Variants in CATSPER4 observed in about 807,000 individuals in gnomAD.
CATSPER4 encodes cation channel sperm-associated protein 4.
A neutral mutation model predicts 54.4 loss-of-function variants in CATSPER4; 46 were observed. The ratio of observed to expected loss-of-function variants is 0.84; its 90% CI spans 0.67 to 1.08. The LOEUF (loss-of-function observed/expected upper bound fraction) is 1.08, where lower values mean the gene tolerates loss of function less well. Among genes scored for constraint, CATSPER4 ranks in the 50% least tolerant of loss-of-function variants. The pLI, the probability that CATSPER4 is intolerant of heterozygous loss-of-function variation, is 0.00. For synonymous variants in CATSPER4, 230 were observed against 231.9 expected, an observed-to-expected ratio of 0.99 and a Z score of 0.08; for missense variants, 574 against 612.8, an observed-to-expected ratio of 0.94 and a Z score of 0.67.
intron 3 of CATSPER4, among the ~76,000 whole-genome samples, chr1:26,196,920 T>TC (rs1431014264): frequency 2.1e-5 from 1 of 48,252 alleles, no homozygotes; most frequent in Admixed American, 1.5e-4. Context: ...TTTCTTTTTT[T>TC]TTTTTTTTTG....
chr1:26,196,523 T>C (rs2088941329), intron 3 of CATSPER4, among the ~76,000 whole-genome samples: 1 of 145,510 alleles, frequency 6.9e-6, no homozygotes, highest in South Asian at 2.3e-4. Flanking sequence ...AGTGATCCTC[T>C]CAGCCCTCCA....
At position 26,198,003 on chromosome 1, in the gene CATSPER4, C is replaced by G. The variant is rs534133361; in HGVS notation, c.604C>G (p.Arg202Gly). 2 of 1,613,948 alleles carry G rather than the reference C, an allele frequency of 1.2e-6. No homozygotes were observed. Among genetic ancestry groups the G allele is most frequent in the Non-Finnish European group, 1.7e-6 (2 of 1,179,982 alleles). Residue 202 changes from arginine to glycine, a missense_variant, in exon 5 of 10, where the codon CGG (arginine) becomes GGG (glycine). Arg to Gly is a moderately radical substitution (Grantham distance 125, BLOSUM62 -2). Transcript: ENST00000456354. ...GTGCATGGCGGTGGAGCCCCTCGCC[C>G]GGATCATCCGCGTCATCCTGCAGTC... ...HVCMAVEPLA[R>G]IIRVILQSVP...
intron 8 of CATSPER4, 81 bp from the exon 9 acceptor site, chr1:26,201,273 G>A (rs377636399): frequency 1.4e-6 from 2 of 1,464,404 alleles, no homozygotes; most frequent in Admixed American, 3.4e-5. Flanking sequence ...GAGCGAAGCG[G>A]GGGTGACGCC....
At chr1:26,198,860 A>G (rs925252123) in intron 6 of CATSPER4, among the ~76,000 whole-genome samples, 4 of 152,118 alleles carry the variant, frequency 2.6e-5, no homozygotes, top group Admixed American at 6.5e-5. Context: ...CCTCTTTTCT[A>G]TTAAGTCTAA....
chr1:26,191,517 C>T, intron 2 of CATSPER4, 87 bp downstream of exon 2: 1 of 1,460,646 alleles, frequency 6.8e-7, no homozygotes, highest in Non-Finnish European at 9.5e-7. Flanking sequence ...CCTCATCTGT[C>T]TATGATGGTT....
intron 3 of CATSPER4, 55 bp downstream of exon 3, chr1:26,193,943 G>C: frequency 8.6e-7 from 1 of 1,160,736 alleles, no homozygotes; most frequent in Non-Finnish European, 1.3e-6. Flanking sequence ...ACACCACCCA[G>C]TCTGCCCCTG....
rs1338231572 is a variant in CATSPER4, at chr1:26,200,869, C to G, written c.1027C>G (p.Leu343Val). The change falls in exon 8 of 10, where the codon CTG becomes GTG. Residue 343 changes from leucine to valine, a missense_variant. Transcript: ENST00000456354. ...AGAGGAGGAGAATGACCAGCTGCCA[C>G]TGGTGCATTGTGTGGTCGCCCGCTC... is the stretch of plus-strand genomic sequence containing the variant. ...EEEEENDQLP[L>V]VHCVVARSEK... is the part of the protein sequence containing the mutation. 1 of 1,614,066 alleles carries G rather than the reference C, an allele frequency of 6.2e-7. No homozygotes were observed. Among genetic ancestry groups the G allele is most frequent in the Non-Finnish European group, 8.5e-7 (1 of 1,180,026 alleles).
chr1:26,198,347 T>TA lies in CATSPER4; in HGVS notation c.741dup (p.Gln248ThrfsTer22). 1 of 1,614,178 alleles carries TA rather than the reference T, an allele frequency of 6.2e-7. No homozygotes were observed. The highest frequency in any genetic ancestry group is 1.1e-5 in the South Asian group (1 of 91,086). ...TTCGTGCCCAAGCATTTCCAGAACA[T>TA]ACAGGTTGCGCTGTACACCCTCTTC... On this transcript the variant is annotated frameshift_variant, in exon 6 of 10. Coordinates refer to ENST00000456354, the MANE Select transcript of CATSPER4 (RefSeq NM_198137.2). LOFTEE classifies it high-confidence loss of function.
At chr1:26,199,431 C>CAA (rs557579569) in intron 6 of CATSPER4, among the ~76,000 whole-genome samples, 28 of 101,708 alleles carry the variant, frequency 2.8e-4, no homozygotes, top group African/African-American at 8.9e-4. Context: ...GACTCTGTCT[C>CAA]AAAAAAAAAA....
At chr1:26,194,985 G>A (rs1258491206) in intron 3 of CATSPER4, among the ~76,000 whole-genome samples, 2 of 152,142 alleles carry the variant, frequency 1.3e-5, no homozygotes, top group South Asian at 2.1e-4. Flanking sequence ...CTTAGAGGCC[G>A]AGGCAGGAGA....
chr1:26,198,421 T>G lies in CATSPER4; in HGVS notation c.812+2T>G. The G allele has an allele frequency of 6.2e-7, 1 of 1,614,078 alleles. No individual in the cohort carries two copies. The highest frequency in any genetic ancestry group is 8.5e-7 in the Non-Finnish European group (1 of 1,180,010). ...GGTGGACATCTACAGTGACTTCCAG[T>G]GAGTGCCAGTGGGACTTCCAGCCTC... On this transcript the variant is annotated splice_donor_variant, in intron 6 of 9. Transcript: ENST00000456354. LOFTEE classifies it high-confidence loss of function.
chr1:26,200,745 C>T (rs957094496), intron 7 of CATSPER4, 85 bp from the exon 8 acceptor site: 1 of 1,051,604 alleles, frequency 9.5e-7, no homozygotes, highest in Non-Finnish European at 1.5e-6. Context: ...TCCTAAGAGA[C>T]TCATCCTGAA....
chr1:26,202,159 G>T (rs1174575665), intron 9 of CATSPER4, among the ~76,000 whole-genome samples: 3 of 152,282 alleles, frequency 2.0e-5, no homozygotes, highest in African/African-American at 7.2e-5. Flanking sequence ...CTGCCTAGTG[G>T]CAGACACTTA....
intron 2 of CATSPER4, among the ~76,000 whole-genome samples, chr1:26,193,247 A>G (rs769413260): frequency 6.6e-6 from 1 of 152,202 alleles, no homozygotes; most frequent in Non-Finnish European, 1.5e-5. Context: ...TCATCCATCC[A>G]GGGTGCATGT....
Position 26,190,713 on chromosome 1 carries a change from T to G in CATSPER4, c.86T>G (p.Met29Arg), listed in dbSNP as rs755860279. 1 of 1,613,442 alleles carries G rather than the reference T, an allele frequency of 6.2e-7. No individual in the cohort carries two copies. Among genetic ancestry groups the G allele is most frequent in the Admixed American group, 1.7e-5 (1 of 59,992 alleles). ...EGWGGTQEDR[M>R]GFGGAVAALR... ...TGGGGCGGGACTCAGGAGGACCGTA[T>G]GGGGTTTGGAGGGGCAGTAGCTGCA... Residue 29 changes from methionine to arginine, a missense_variant, in exon 1 of 10, where the codon ATG (methionine) becomes AGG (arginine). Coordinates refer to ENST00000456354, the MANE Select transcript of CATSPER4 (RefSeq NM_198137.2).
At position 26,190,831 on chromosome 1, in the gene CATSPER4, G is replaced by A. The variant is rs534539461; in HGVS notation, c.204G>A (p.Thr68=). The part of the protein sequence containing the change: ...EQVLINRQEI[T]NKADAWDMQE... Reference sequence around the variant, plus strand: ...TGCTCATCAACCGCCAGGAAATCACGAACAAAGCGGTAAGGATAGCTCTCG... The same window carrying A: ...TGCTCATCAACCGCCAGGAAATCACAAACAAAGCGGTAAGGATAGCTCTCG... The change falls in exon 1 of 10, where the codon ACG becomes ACA. Residue 68 remains threonine, a synonymous_variant. Transcript: ENST00000456354. 1.4e-5 allele frequency: 23 copies of A among 1,608,676 alleles called. No individual in the cohort carries two copies. The East Asian group carries it at 2.5e-4, about 17-fold the overall frequency.
Position 26,191,302 on chromosome 1 carries a change from C to T in CATSPER4, c.229C>T (p.Gln77Ter), listed in dbSNP as rs149799938. 4.6e-4 allele frequency: 742 copies of T among 1,614,004 alleles called. No individual in the cohort carries two copies. Among genetic ancestry groups the T allele is most frequent in the Non-Finnish European group, 5.9e-4 (701 of 1,180,040 alleles). Reference protein sequence around the residue: ...ITNKADAWDMQEFITHMYIKQ... With the variant: ...ITNKADAWDM ...CCTCTTCCAGGACGCCTGGGACATGCAGGAGTTCATCACTCACATGTACAT... is the reference window on the plus strand; with the variant it reads ...CCTCTTCCAGGACGCCTGGGACATGTAGGAGTTCATCACTCACATGTACAT... The change falls in exon 2 of 10, where the codon CAG becomes TAG. Residue 77 changes from glutamine (Q) to a stop codon, truncating the protein, a stop_gained. Transcript: ENST00000456354. LOFTEE classifies it high-confidence loss of function.
intron 3 of CATSPER4, 75 bp downstream of exon 3, chr1:26,193,963 C>A (rs1232564952): frequency 6.2e-6 from 6 of 970,648 alleles, no homozygotes; most frequent in African/African-American, 1.6e-5. Flanking sequence ...GTACTCCTGG[C>A]CCTACAAACT....
chr1:26,201,318 A>T, intron 8 of CATSPER4, 36 bp from the exon 9 acceptor site: 1 of 1,608,996 alleles, frequency 6.2e-7, no homozygotes, highest in Non-Finnish European at 8.5e-7. Context: ...CCCTCCCCTG[A>T]GGCCTTCTGA....
Sources: allele counts gnomAD v4.1 joint callset (sites outside exome capture counted in the v4.1 genomes callset), GRCh38; gene constraint gnomAD v4.1.1; transcripts MANE v1.5; gene names NCBI Gene and HGNC (gene_info 2026-07-23, HGNC 2026-07-21).